The following F5 variants were observed in gnomAD, a reference collection of about 807,000 sequenced individuals.
F5 encodes activated protein c cofactor.
Under a neutral mutation model 216.4 loss-of-function variants are expected in F5, and 138 were observed. That is an observed-to-expected ratio of 0.64 (90% CI 0.56 to 0.73). The LOEUF is 0.73. Among genes scored for constraint, F5 ranks in the 30% least tolerant of loss-of-function variants. The pLI, the probability that F5 is intolerant of heterozygous loss-of-function variation, is 0.00. For synonymous variants in F5, 916 were observed against 930.7 expected, an observed-to-expected ratio of 0.98 and a Z score of 0.29; for missense variants, 2,403 against 2,674.0, an observed-to-expected ratio of 0.90 and a Z score of 2.24.
chr1:169,585,876 A>G (rs1023926233), intron 1 of F5, among the ~76,000 whole-genome samples: 1 of 152,224 alleles, frequency 6.6e-6, no homozygotes, highest in Non-Finnish European at 1.5e-5. Flanking sequence ...CTGGAACAGG[A>G]GTTTGCAGGA....
intron 5 of F5, 135 bp downstream of exon 5, chr1:169,559,018 A>G: frequency 2.2e-6 from 2 of 907,338 alleles, no homozygotes; most frequent in African/African-American, 1.7e-5. Flanking sequence ...AAAAAAAAAG[A>G]GAAAATATTT....
In F5 at chr1:169,566,141, T is replaced by A. The variant is rs112098555; in HGVS notation, c.374-5375A>T. On this transcript the variant is annotated intron_variant, in intron 3 of 24. Coordinates refer to ENST00000367797, the MANE Select transcript of F5 (RefSeq NM_000130.5). ...TATTAACTGAAATTAGCATGGCTAG[T>A]TGATGAGCTGCACCATCTACCTTGA... 2.1e-3 allele frequency among the ~76,000 whole-genome samples: 326 copies of A among 152,208 alleles called. 2 individuals carry two copies. Among genetic ancestry groups the A allele is most frequent in the African/African-American group, 7.3e-3 (302 of 41,566 alleles).
intron 12 of F5, 89 bp from the exon 13 acceptor site, chr1:169,543,203 A>G (rs1469528523): frequency 1.5e-6 from 2 of 1,302,678 alleles, no homozygotes; most frequent in Middle Eastern, 1.8e-4. Flanking sequence ...GTAATTTCTA[A>G]TAAACTTTCG....
chr1:169,550,274 T>TTCC (rs1660132413), intron 9 of F5, among the ~76,000 whole-genome samples: 3 of 36,238 alleles, frequency 8.3e-5, no homozygotes, highest in African/African-American at 2.2e-4. Context: ...ATGCTATCCC[T>TTCC]CCCCCCGCCC....
chr1:169,577,579 ATATATATATATATATATATATATATG>A (rs201260570), intron 2 of F5, among the ~76,000 whole-genome samples: 5,993 of 114,630 alleles, frequency 0.052, 615 homozygotes, highest in African/African-American at 0.17. Flanking sequence ...ATATATATAT[ATATATATATATATATATATATATATG>A]TATGTATTTT....
Position 169,514,258 on chromosome 1 carries a change from C to T in F5, c.*55G>A. The T allele has an allele frequency of 1.9e-6, 3 of 1,555,768 alleles. No individual in the cohort carries two copies. Among genetic ancestry groups the T allele is most frequent in the Non-Finnish European group, 1.8e-6 (2 of 1,127,606 alleles). On this transcript the variant is annotated 3_prime_UTR_variant, in exon 25 of 25. Transcript: ENST00000367797. ...CACAGCGTAAAATACATTGCCCATT[C>T]TAAATGGTTTGAGGTCTTAAAGAGT...
chr1:169,542,983 C>T lies in F5; in HGVS notation c.2107G>A (p.Val703Ile), dbSNP rs1163668706. 6.2e-7 allele frequency: 1 copy of T among 1,614,074 alleles called. No individual in the cohort carries two copies. The highest frequency in any genetic ancestry group is 2.2e-5 in the East Asian group (1 of 44,870). ...YEIFEPPEST[V>I]MATRKMHDRL... ...TCATGCATTTTCCGTGTAGCCATGA[C>T]TGTAGATTCTGGAGGTTCAAAAATC... The change falls in exon 13 of 25, where the codon GTC becomes ATC. Residue 703 changes from valine to isoleucine, a missense_variant. Transcript: ENST00000367797.
Position 169,582,426 on chromosome 1 carries a change from C to A in F5, c.250+5G>T. The A allele has an allele frequency of 6.8e-7, 1 of 1,462,534 alleles. No homozygotes were observed. Among genetic ancestry groups the A allele is most frequent in the Non-Finnish European group, 9.5e-7 (1 of 1,050,314 alleles). The allele number at this position is 1,462,534 out of a possible 1,614,324, so 90.6% of individuals were successfully genotyped here. A position where few individuals can be genotyped will look rare whatever the true frequency, so the allele number is the denominator to read the frequency against. ...TAAAATTAAAAAAGTATATTTCAGG[C>A]TTACCTGAAATGGTAGATTGTGGTT... is the stretch of plus-strand genomic sequence containing the variant. On this transcript the variant is annotated splice_donor_5th_base_variant and intron_variant, in intron 2 of 24. Transcript: ENST00000367797.
At chr1:169,521,768 A>G (rs1332696186) in intron 21 of F5, among the ~76,000 whole-genome samples, 4 of 149,694 alleles carry the variant, frequency 2.7e-5, no homozygotes, top group African/African-American at 9.8e-5. Context: ...TTACAAGTGC[A>G]CGCCACCCTG....
intron 18 of F5, 127 bp downstream of exon 18, chr1:169,525,774 T>C (rs1265359787): frequency 4.5e-5 from 35 of 770,060 alleles, no homozygotes; most frequent in African/African-American, 8.5e-5. Flanking sequence ...AAAGCAATTA[T>C]GGCTACAAAT....
intron 2 of F5, among the ~76,000 whole-genome samples, chr1:169,575,670 A>C (rs1440186248): frequency 6.6e-6 from 1 of 152,056 alleles, no homozygotes; most frequent in Non-Finnish European, 1.5e-5. Context: ...TGTGGGGTAG[A>C]GAATAAAGGA....
Position 169,544,451 on chromosome 1 carries a change from G to A in F5, c.1820C>T (p.Thr607Ile). 1 of 1,614,178 alleles carries A rather than the reference G, an allele frequency of 6.2e-7. No individual in the cohort carries two copies. ...CACACTACAGAAGTGCCACTGGACA[G>A]TGTCATCAAAGCAGAATCCAAGAGT... The part of the protein sequence containing the change: ...ITTLGFCFDD[T>I]VQWHFCSVGT... Residue 607 changes from threonine (T) to isoleucine (I), a missense_variant, in exon 12 of 25, where the codon ACT becomes ATT. This residue lies in a region of F5 where 1,425 missense variants were observed against 1,554.8 expected (regional missense o/e 0.92). Transcript: ENST00000367797.
Position 169,542,009 on chromosome 1 carries a change from A to C in F5, c.3081T>G (p.Ile1027Met). ...KSRLKKSQFL[I>M]KTRKKKKEKH... ...TCTCTTTTTTCTTTTTTCGTGTCTT[A>C]ATGAGAAACTGGCTTTTCTTCAGTC... Residue 1027 changes from isoleucine (I) to methionine (M), a missense_variant, in exon 13 of 25, where the codon ATT (isoleucine) becomes ATG (methionine). Around this residue, in one of 4 missense-constraint regions of F5, gnomAD observed 1,425 missense variants for 1,554.8 expected, o/e 0.92. Coordinates refer to ENST00000367797, the MANE Select transcript of F5 (RefSeq NM_000130.5). 1.2e-6 allele frequency: 2 copies of C among 1,614,026 alleles called. No homozygotes were observed. Among genetic ancestry groups the C allele is most frequent in the Non-Finnish European group, 1.7e-6 (2 of 1,179,988 alleles).
In F5 at chr1:169,531,005, T is replaced by C. The variant is rs770031806; in HGVS notation, c.4989A>G (p.Leu1663=). 2 of 1,612,718 alleles carry C rather than the reference T, an allele frequency of 1.2e-6. No individual in the cohort carries two copies. Among genetic ancestry groups the C allele is most frequent in the East Asian group, 2.2e-5 (1 of 44,888 alleles). Residue 1663 remains leucine (L), a synonymous_variant, in exon 15 of 25, where the codon TTA becomes TTG. Transcript: ENST00000367797. ...CATGTAGAGAATACGGTCTGGATGCTAAATTTTTAAAACGAACCTAGGAAA... is the reference window on the plus strand; with the variant it reads ...CATGTAGAGAATACGGTCTGGATGCCAAATTTTTAAAACGAACCTAGGAAA... ...DDVIQVRFKN[L]ASRPYSLHAH... is the part of the protein sequence containing the mutation.
rs9332674 is a variant in F5, at chr1:169,513,422, T to C, written c.*891A>G. On this transcript the variant is annotated 3_prime_UTR_variant, in exon 25 of 25. Coordinates refer to ENST00000367797, the MANE Select transcript of F5 (RefSeq NM_000130.5). Reference sequence around the variant, plus strand: ...GGGAAAGGAATGATGAAAGGGGAAGTTGCTGGAAGAAGAGAGAGGAGGAAG... The same window carrying C: ...GGGAAAGGAATGATGAAAGGGGAAGCTGCTGGAAGAAGAGAGAGGAGGAAG... 2.9e-3 allele frequency among the ~76,000 whole-genome samples: 435 copies of C among 152,092 alleles called. 1 individual carries two copies. Among genetic ancestry groups the C allele is most frequent in the Non-Finnish European group, 3.7e-3 (253 of 67,952 alleles).
intron 2 of F5, among the ~76,000 whole-genome samples, chr1:169,580,271 A>G (rs1159058503): frequency 6.6e-6 from 1 of 152,050 alleles, no homozygotes; most frequent in Non-Finnish European, 1.5e-5. Context: ...GTCTATCCAT[A>G]GGTTATCCCC....
intron 13 of F5, 130 bp from the exon 14 acceptor site, chr1:169,536,810 A>G: frequency 1.5e-6 from 1 of 683,960 alleles, no homozygotes; most frequent in Non-Finnish European, 2.5e-6. Flanking sequence ...TGGATAAATG[A>G]GTAAATATAT....
chr1:169,545,528 T>C (rs1176023857), intron 11 of F5, among the ~76,000 whole-genome samples: 1 of 152,240 alleles, frequency 6.6e-6, no homozygotes, highest in African/African-American at 2.4e-5. Context: ...TCAGAAAATT[T>C]TAAATTACGC....
chr1:169,546,021 C>G (rs1659992445), intron 11 of F5, among the ~76,000 whole-genome samples: 1 of 152,182 alleles, frequency 6.6e-6, no homozygotes, highest in Admixed American at 6.5e-5. Flanking sequence ...TTTTGCTCTA[C>G]TTTGATGTGT....
Sources: gnomAD v4.1 joint callset for allele counts (sites outside exome capture counted in the v4.1 genomes callset) on GRCh38, gnomAD v4.1.1 for gene constraint, gnomAD v4.1.1 regional missense constraint, MANE v1.5 for transcripts, NCBI Gene and HGNC (gene_info 2026-07-23, HGNC 2026-07-21) for gene names.